The following SESTD1 variants were observed in gnomAD, a reference collection of about 807,000 sequenced individuals.
SESTD1 encodes the protein SEC14 and spectrin domain containing 1.
In SESTD1, 43 loss-of-function variants were observed where a neutral mutation model predicts 101.7. The observed-to-expected ratio is 0.42, with a 90% confidence interval of 0.33 to 0.55. The LOEUF is 0.55. Ranked by LOEUF, SESTD1 falls within the 20% of genes least tolerant of loss-of-function variation. The pLI is 0.07. For missense variants in SESTD1, 647 were observed against 815.1 expected, an observed-to-expected ratio of 0.79 and a Z score of 2.51; for synonymous variants, 283 against 286.8, an observed-to-expected ratio of 0.99 and a Z score of 0.13.
At chr2:179,195,138 G>C (rs10164814) in intron 1 of SESTD1, among the ~76,000 whole-genome samples, 38,892 of 152,132 alleles carry the variant, frequency 0.26, 5,386 homozygotes, top group South Asian at 0.42. Flanking sequence ...AGAAGGACAG[G>C]CCACCGGATA....
chr2:179,233,530 G>C (rs573512935), intron 1 of SESTD1, among the ~76,000 whole-genome samples: 1 of 151,848 alleles, frequency 6.6e-6, no homozygotes, highest in African/African-American at 2.4e-5. Context: ...CTCAGCTCAC[G>C]GCAACCTCTG....
chr2:179,165,956 C>T (rs550562239), intron 5 of SESTD1, among the ~76,000 whole-genome samples: 1 of 152,214 alleles, frequency 6.6e-6, no homozygotes, highest in East Asian at 1.9e-4. Context: ...TTTTCTGAAG[C>T]CACTGGAGAG....
rs2044433841 is a variant in SESTD1 at position 179,108,418 on chromosome 2, T to G, written c.*1481A>C. On this transcript the variant is annotated 3_prime_UTR_variant, in exon 18 of 18. Transcript: ENST00000428443. ...CGGAGAAAAAAACCATTCAGTTTGG[T>G]AACTGGGAGGCCATTGCTGACTTTC... The G allele has an allele frequency of 6.6e-6, 1 of 152,266 alleles. No homozygotes were observed. The highest frequency in any genetic ancestry group is 1.5e-5 in the Non-Finnish European group (1 of 68,122). 9.4% of individuals were successfully genotyped at this position (152,266 alleles called of 1,614,324 possible).
chr2:179,138,016 T>G (rs1227555755), intron 9 of SESTD1, among the ~76,000 whole-genome samples: 1 of 152,280 alleles, frequency 6.6e-6, no homozygotes, highest in East Asian at 1.9e-4. Context: ...GATATAGATA[T>G]TTCCTTAAAA....
intron 8 of SESTD1, among the ~76,000 whole-genome samples, chr2:179,145,808 T>C (rs2045382266): frequency 6.6e-6 from 1 of 152,146 alleles, no homozygotes; most frequent in African/African-American, 2.4e-5. Context: ...ATAATACTAA[T>C]TATCTCAAAG....
rs1379762727 is a variant in SESTD1, at chr2:179,109,677, A to G, written c.*222T>C. Reference sequence around the variant, plus strand: ...AGCAAGTTTTCAGTGCAATGTTTATAGTTCCTTCTTTTAAGATACTTGGAA... The same window carrying G: ...AGCAAGTTTTCAGTGCAATGTTTATGGTTCCTTCTTTTAAGATACTTGGAA... On this transcript the variant is annotated 3_prime_UTR_variant, in exon 18 of 18. Transcript: ENST00000428443. 4 of 539,866 alleles carry G rather than the reference A, an allele frequency of 7.4e-6. No individual in the cohort carries two copies. The highest frequency in any genetic ancestry group is 1.3e-5 in the Non-Finnish European group (4 of 315,112). The allele number at this position is 539,866 out of a possible 1,614,324, so 33.4% of individuals were successfully genotyped here. A position where few individuals can be genotyped will look rare whatever the true frequency, so the allele number is the denominator to read the frequency against.
chr2:179,209,316 A>G (rs1184601604), intron 1 of SESTD1, among the ~76,000 whole-genome samples: 1 of 134,756 alleles, frequency 7.4e-6, no homozygotes, highest in Non-Finnish European at 1.6e-5. Flanking sequence ...ACAGGTCATC[A>G]AAATGGAAAG....
In SESTD1 at chr2:179,198,149, G is replaced by C. The variant is rs560917689; in HGVS notation, c.-25-6283C>G. Among the ~76,000 whole-genome samples, 4 of 152,032 alleles carry C rather than the reference G, an allele frequency of 2.6e-5. No homozygotes were observed. In the South Asian group the frequency reaches 8.3e-4, roughly 32 times the overall value. On this transcript the variant is annotated intron_variant, in intron 1 of 17. Transcript: ENST00000428443. Reference sequence around the variant, plus strand: ...GCAAATGGAAAACAAAGAAAGGCAGGGGTTGCAATCCTAGTCTCTGACAAA... The same window carrying C: ...GCAAATGGAAAACAAAGAAAGGCAGCGGTTGCAATCCTAGTCTCTGACAAA...
chr2:179,181,074 G>C (rs1413748535), intron 3 of SESTD1, among the ~76,000 whole-genome samples: 3 of 152,146 alleles, frequency 2.0e-5, no homozygotes, highest in Non-Finnish European at 4.4e-5. Flanking sequence ...GGTACGTGTA[G>C]ATATGCAGAA....
chr2:179,112,589 T>C (rs2044533170), intron 17 of SESTD1, 135 bp downstream of exon 17: 12 of 1,067,284 alleles, frequency 1.1e-5, no homozygotes, highest in Non-Finnish European at 1.4e-5. Context: ...CATTTTAAAC[T>C]AATTCATCGT....
At chr2:179,197,811 G>A (rs376558065) in intron 1 of SESTD1, among the ~76,000 whole-genome samples, 8 of 151,802 alleles carry the variant, frequency 5.3e-5, no homozygotes, top group Non-Finnish European at 8.8e-5. Context: ...TGAAGGAAGC[G>A]CTAAACATGG....
chr2:179,109,530 T>A lies in SESTD1; in HGVS notation c.*369A>T, dbSNP rs1355552224. The A allele has an allele frequency of 2.5e-6, 1 of 393,368 alleles. No individual in the cohort carries two copies. The highest frequency in any genetic ancestry group is 4.5e-6 in the Non-Finnish European group (1 of 222,898). The allele number at this position is 393,368 out of a possible 1,614,324, so 24.4% of individuals were successfully genotyped here. ...TACTGTCTAAATTTACTAAATCACC[T>A]GTGGAGGAAGGGCAACTTTTTTTTT... is the stretch of plus-strand genomic sequence containing the variant. On this transcript the variant is annotated 3_prime_UTR_variant, in exon 18 of 18. Transcript: ENST00000428443.
At chr2:179,121,718 T>C in intron 13 of SESTD1, 52 bp downstream of exon 13, 1 of 1,444,718 alleles carries the variant, frequency 6.9e-7, no homozygotes, top group Non-Finnish European at 9.2e-7. Context: ...AACTTCATTT[T>C]AACTAATATT....
rs1207199525 is a variant in SESTD1, at chr2:179,207,907, A to G, written c.-25-16041T>C. On this transcript the variant is annotated intron_variant, in intron 1 of 17. Coordinates refer to ENST00000428443, the MANE Select transcript of SESTD1 (RefSeq NM_178123.5). Reference sequence around the variant, plus strand: ...TCTGAATTGCCAGATAAAGAATCAGAAGGTTGATTATTAAGCTATTCAAGG... The same window carrying G: ...TCTGAATTGCCAGATAAAGAATCAGGAGGTTGATTATTAAGCTATTCAAGG... Among the ~76,000 whole-genome samples, 5 of 135,348 alleles carry G rather than the reference A, an allele frequency of 3.7e-5. 1 individual carries two copies. Among genetic ancestry groups the G allele is most frequent in the Non-Finnish European group, 6.4e-5 (4 of 62,910 alleles). 88.8% of individuals were successfully genotyped at this position (135,348 alleles called of 152,430 possible).
At chr2:179,172,842 T>C (rs553041896) in intron 4 of SESTD1, among the ~76,000 whole-genome samples, 38 of 152,364 alleles carry the variant, frequency 2.5e-4, no homozygotes, top group Non-Finnish European at 4.6e-4. Flanking sequence ...TATCAAGTCC[T>C]ATAGAGTCTA....
At chr2:179,223,765 G>A (rs2046845609) in intron 1 of SESTD1, among the ~76,000 whole-genome samples, 1 of 152,152 alleles carries the variant, frequency 6.6e-6, no homozygotes, top group Non-Finnish European at 1.5e-5. Context: ...AGAAAGGAGA[G>A]TATAAGCAGT....
intron 10 of SESTD1, among the ~76,000 whole-genome samples, chr2:179,128,505 C>A (rs2044931101): frequency 1.3e-5 from 2 of 151,996 alleles, no homozygotes; most frequent in Admixed American, 1.3e-4. Context: ...TCAAGATGGG[C>A]AGATCACGAG....
intron 6 of SESTD1, 148 bp downstream of exon 6, chr2:179,151,130 T>G (rs1420764187): frequency 6.4e-6 from 3 of 465,410 alleles, no homozygotes; most frequent in Non-Finnish European, 1.1e-5. Flanking sequence ...ACAGTATTTG[T>G]CTATTATGCT....
rs2046712568 is a variant in SESTD1 at position 179,215,817 on chromosome 2, G to A, written c.-25-23951C>T. ...ACTATCAAGTTGGCTTCATCCCTGA[G>A]ATGCAAGTCTGGTTCATCATATGCA... On this transcript the variant is annotated intron_variant, in intron 1 of 17. Transcript: ENST00000428443. 1.5e-5 allele frequency among the ~76,000 whole-genome samples: 2 copies of A among 135,326 alleles called. 1 individual carries two copies. Among genetic ancestry groups the A allele is most frequent in the African/African-American group, 5.8e-5 (2 of 34,306 alleles). 88.8% of individuals were successfully genotyped at this position (135,326 alleles called of 152,430 possible).
Sources: gnomAD v4.1 joint callset for allele counts (sites outside exome capture counted in the v4.1 genomes callset) on GRCh38, gnomAD v4.1.1 for gene constraint, MANE v1.5 for transcripts, NCBI Gene and HGNC (gene_info 2026-07-23, HGNC 2026-07-21) for gene names.